Variants in MEI4 observed in about 807,000 individuals in gnomAD.
MEI4 encodes the protein meiosis-specific protein MEI4.
MEI4 carries 27 observed loss-of-function variants against 31.4 expected under a neutral mutation model. The ratio of observed to expected loss-of-function variants is 0.86; its 90% confidence interval spans 0.63 to 1.19. The LOEUF is 1.19. MEI4 is among the 50% of genes most tolerant of loss of function. The probability of loss-of-function intolerance (pLI) is 0.00; values close to 1 mark genes in which losing one functional copy is unlikely to be tolerated. For synonymous variants in MEI4, 122 were observed against 145.4 expected (o/e 0.84, Z 1.16); for missense variants, 329 against 398.9 (o/e 0.82, Z 1.49).
At chr6:77,883,783 G>T (rs1199978828) in intron 4 of MEI4, among the ~76,000 whole-genome samples, 1 of 103,600 alleles carries the variant, frequency 9.7e-6, no homozygotes, top group Non-Finnish European at 1.9e-5. Context: ...TGGACAGTTT[G>T]TTTTTTTTCC....
chr6:77,776,448 A>G (rs1353196825), intron 3 of MEI4, among the ~76,000 whole-genome samples: 1 of 152,102 alleles, frequency 6.6e-6, no homozygotes, highest in Admixed American at 6.6e-5. Context: ...AACTTGGTGC[A>G]TTTCAGTCCG....
intron 3 of MEI4, among the ~76,000 whole-genome samples, chr6:77,802,351 A>G (rs2127701101): frequency 6.6e-6 from 1 of 151,870 alleles, no homozygotes; most frequent in South Asian, 2.1e-4. Flanking sequence ...CTTTATTTTG[A>G]GCCTATGTGT....
chr6:77,841,333 A>ATATATATATATATATTTTTTTTTT, intron 4 of MEI4, among the ~76,000 whole-genome samples: 4 of 27,736 alleles, frequency 1.4e-4, no homozygotes, highest in Non-Finnish European at 2.1e-4. Context: ...ATATATATAT[A>ATATATATATATATATTTTTTTTTT]TTTTTTTTTT....
chr6:77,682,537 C>T (rs539070124), intron 1 of MEI4, among the ~76,000 whole-genome samples: 17 of 152,226 alleles, frequency 1.1e-4, no homozygotes, highest in Non-Finnish European at 1.5e-4. Flanking sequence ...TTTTGGTTAA[C>T]TAATTAAGTT....
chr6:77,911,881 GTCTTTGCCTTAAAA>G (rs2127739114), intron 4 of MEI4, among the ~76,000 whole-genome samples: 1 of 151,828 alleles, frequency 6.6e-6, no homozygotes, highest in Admixed American at 6.6e-5. Context: ...TGTTTTTGAG[GTCTTTGCCTTAAAA>G]TCTTTGCCTA....
intron 4 of MEI4, among the ~76,000 whole-genome samples, chr6:77,903,098 T>G (rs1163099753): frequency 6.6e-6 from 1 of 152,150 alleles, no homozygotes; most frequent in Non-Finnish European, 1.5e-5. Context: ...CAAACAGAGA[T>G]GGTTTAACTT....
At chr6:77,870,352 T>C in intron 4 of MEI4, among the ~76,000 whole-genome samples, 1 of 152,168 alleles carries the variant, frequency 6.6e-6, no homozygotes, top group East Asian at 1.9e-4. Context: ...ATGTAAGTGA[T>C]CTGAGCACAT....
chr6:77,821,799 CA>C (rs34905460), intron 3 of MEI4, among the ~76,000 whole-genome samples: 2,503 of 92,932 alleles, frequency 0.027, 36 homozygotes, highest in African/African-American at 0.086. Flanking sequence ...GCCATCTCTC[CA>C]AAAAAAAAAA....
intron 2 of MEI4, among the ~76,000 whole-genome samples, chr6:77,734,214 G>A (rs1212850378): frequency 6.6e-6 from 1 of 151,988 alleles, no homozygotes; most frequent in Non-Finnish European, 1.5e-5. Context: ...TCTGTCTAAT[G>A]TTGACAGTGC....
intron 1 of MEI4, among the ~76,000 whole-genome samples, chr6:77,670,630 T>G (rs1582007515): frequency 6.6e-6 from 1 of 152,314 alleles, no homozygotes; most frequent in South Asian, 2.1e-4. Flanking sequence ...TTCCCTCTCC[T>G]TGGCCTGCCT....
chr6:77,812,391 A>AGAT (rs777180285), intron 3 of MEI4, among the ~76,000 whole-genome samples: 1 of 152,218 alleles, frequency 6.6e-6, no homozygotes, highest in Non-Finnish European at 1.5e-5. Flanking sequence ...TATTGCTTAG[A>AGAT]GATGATGATG....
intron 4 of MEI4, among the ~76,000 whole-genome samples, chr6:77,904,415 T>C (rs1314279462): frequency 1.3e-5 from 2 of 152,080 alleles, no homozygotes; most frequent in East Asian, 3.9e-4. Context: ...ACATAGGTAA[T>C]AAGCATAGTA....
At chr6:77,915,384 A>C (rs1766522492) in intron 4 of MEI4, among the ~76,000 whole-genome samples, 1 of 152,024 alleles carries the variant, frequency 6.6e-6, no homozygotes, top group Non-Finnish European at 1.5e-5. Flanking sequence ...TCTCTTTATG[A>C]AGACTTCCTT....
chr6:77,655,770 C>T (rs979848466), intron 1 of MEI4, among the ~76,000 whole-genome samples: 3 of 152,034 alleles, frequency 2.0e-5, no homozygotes, highest in South Asian at 2.1e-4. Flanking sequence ...AAATGACAGA[C>T]GTCAGTAGAC....
At chr6:77,913,502 G>A (rs1322256283) in intron 4 of MEI4, among the ~76,000 whole-genome samples, 2 of 151,916 alleles carry the variant, frequency 1.3e-5, no homozygotes, top group Non-Finnish European at 2.9e-5. Flanking sequence ...ATTTCTTTCT[G>A]AATCATTTTT....
chr6:77,748,126 C>G (rs2127676399), intron 2 of MEI4, among the ~76,000 whole-genome samples: 1 of 152,300 alleles, frequency 6.6e-6, no homozygotes, highest in African/African-American at 2.4e-5. Context: ...GTTGGTGGAT[C>G]TACTATTCTG....
chr6:77,750,048 T>G (rs542078583), intron 2 of MEI4, among the ~76,000 whole-genome samples: 1 of 152,136 alleles, frequency 6.6e-6, no homozygotes, highest in Non-Finnish European at 1.5e-5. Context: ...GAAATAAAAT[T>G]CTTTACAGAC....
intron 2 of MEI4, among the ~76,000 whole-genome samples, chr6:77,697,658 A>C (rs1766087141): frequency 6.6e-6 from 1 of 152,198 alleles, no homozygotes; most frequent in Non-Finnish European, 1.5e-5. Flanking sequence ...CTGATCTTTT[A>C]CATTTGCTGA....
intron 4 of MEI4, among the ~76,000 whole-genome samples, chr6:77,865,446 A>G (rs535208979): frequency 3.5e-4 from 54 of 152,320 alleles, no homozygotes; most frequent in African/African-American, 1.3e-3. Context: ...GAATACTATA[A>G]ACACTTCTAC....
Sources: gnomAD v4.1 joint callset for allele counts (sites outside exome capture counted in the v4.1 genomes callset) on GRCh38, gnomAD v4.1.1 for gene constraint, MANE v1.5 for transcripts, NCBI Gene and HGNC (gene_info 2026-07-23, HGNC 2026-07-21) for gene names.